RAD51B: variants seen among roughly 807,000 people sequenced by gnomAD.
The protein encoded by RAD51B is RAD51 paralog B.
In RAD51B, 38 loss-of-function variants were observed where a neutral mutation model predicts 42.2. The observed-to-expected ratio is 0.90, with a 90% CI of 0.70 to 1.18. RAD51B has a LOEUF of 1.18. RAD51B is among the 50% of genes most tolerant of loss of function. RAD51B has a pLI of 0.00. For synonymous variants in RAD51B, 154 were observed against 145.2 expected (o/e 1.06, Z -0.43); for missense variants, 373 against 400.7 (o/e 0.93, Z 0.59).
intron 7 of RAD51B, among the ~76,000 whole-genome samples, chr14:68,279,392 A>G (rs2081280597): frequency 6.6e-6 from 1 of 152,216 alleles, no homozygotes; most frequent in African/African-American, 2.4e-5. Context: ...GACTTTAGGT[A>G]TGTAGGATTG....
At chr14:68,561,904 G>T (rs1472791166) in intron 10 of RAD51B, 1 of 948,020 alleles carries the variant, frequency 1.1e-6, no homozygotes, top group Non-Finnish European at 1.3e-6. Context: ...CCATGCAGAG[G>T]GCGAGTGGGA....
At chr14:68,112,602 A>G (rs749947323) in intron 7 of RAD51B, among the ~76,000 whole-genome samples, 7 of 152,146 alleles carry the variant, frequency 4.6e-5, no homozygotes, top group Non-Finnish European at 8.8e-5. Context: ...TCATGTGATC[A>G]TGCTGGGGTG....
At chr14:68,232,534 G>C (rs376783555) in intron 7 of RAD51B, among the ~76,000 whole-genome samples, 8 of 152,188 alleles carry the variant, frequency 5.3e-5, no homozygotes, top group African/African-American at 1.9e-4. Flanking sequence ...GTGAAGCCAA[G>C]GTCTGAGAAT....
At position 68,468,171 on chromosome 14, in the gene RAD51B, G is replaced by T; in HGVS notation, c.958-1G>T. On this transcript the variant is annotated splice_acceptor_variant, in intron 9 of 10. Coordinates refer to ENST00000471583, the MANE Select transcript of RAD51B (RefSeq NM_133510.4). LOFTEE classifies it high-confidence loss of function. Reference sequence around the variant, plus strand: ...CCTAGAAAAATGTGCTTTATGTGCAGATTCTTATTGCCAAGTCCCCTCTGG... The same window carrying T: ...CCTAGAAAAATGTGCTTTATGTGCATATTCTTATTGCCAAGTCCCCTCTGG... 6.2e-7 allele frequency: 1 copy of T among 1,613,592 alleles called. No individual in the cohort carries two copies. The highest frequency in any genetic ancestry group is 8.5e-7 in the Non-Finnish European group (1 of 1,179,568).
At chr14:68,481,040 A>T (rs927138582), downstream of RAD51B, among the ~76,000 whole-genome samples, 3 of 152,210 alleles carry the variant, frequency 2.0e-5, no homozygotes, top group African/African-American at 7.2e-5. Context: ...GTCCATGGTG[A>T]AGTCATAAAA....
At chr14:68,269,782 A>C (rs985525770) in intron 7 of RAD51B, among the ~76,000 whole-genome samples, 5 of 152,156 alleles carry the variant, frequency 3.3e-5, no homozygotes, top group African/African-American at 1.2e-4. Flanking sequence ...ATGTGGACTC[A>C]ATGAGGGATT....
chr14:68,307,300 A>G (rs774833528), intron 8 of RAD51B, among the ~76,000 whole-genome samples: 11 of 152,178 alleles, frequency 7.2e-5, no homozygotes, highest in Non-Finnish European at 1.3e-4. Context: ...TGTATCCGTA[A>G]CCTGATCATC....
intron 10 of RAD51B, among the ~76,000 whole-genome samples, chr14:68,551,404 C>T (rs1888564701): frequency 6.6e-6 from 1 of 152,224 alleles, no homozygotes; most frequent in Non-Finnish European, 1.5e-5. Flanking sequence ...CAGAGAGTGC[C>T]TGGCTGTGAT....
chr14:68,681,284 T>G (rs1893424534), intron 11 of RAD51B, among the ~76,000 whole-genome samples: 1 of 152,150 alleles, frequency 6.6e-6, no homozygotes, highest in African/African-American at 2.4e-5. Context: ...GAGTGTCTAC[T>G]CGAGGTGTTC....
chr14:68,462,663 T>C (rs2085874362), intron 9 of RAD51B, among the ~76,000 whole-genome samples: 1 of 152,154 alleles, frequency 6.6e-6, no homozygotes, highest in Non-Finnish European at 1.5e-5. Context: ...AGTGCTGAGA[T>C]TACAGGCCCG....
intron 7 of RAD51B, among the ~76,000 whole-genome samples, chr14:68,243,541 A>C (rs911761431): frequency 4.6e-5 from 7 of 151,974 alleles, no homozygotes; most frequent in Non-Finnish European, 8.8e-5. Flanking sequence ...TAGGGAATTT[A>C]GTTTCCCTTT....
intron 9 of RAD51B, among the ~76,000 whole-genome samples, chr14:68,459,401 A>C (rs1013313612): frequency 6.6e-6 from 1 of 152,250 alleles, no homozygotes; most frequent in Admixed American, 6.5e-5. Flanking sequence ...TTTCTGTCGC[A>C]GACACTTGGC....
At chr14:68,253,180 T>C (rs1439388687) in intron 7 of RAD51B, among the ~76,000 whole-genome samples, 1 of 152,086 alleles carries the variant, frequency 6.6e-6, no homozygotes, top group Non-Finnish European at 1.5e-5. Context: ...CACTTAGTCA[T>C]AATTGTCTAT....
intron 7 of RAD51B, among the ~76,000 whole-genome samples, chr14:67,900,121 T>TAC (rs1218361712): frequency 1.3e-5 from 2 of 152,256 alleles, no homozygotes; most frequent in Non-Finnish European, 2.9e-5. Flanking sequence ...GTGTTGCTTC[T>TAC]GTATTAGTGT....
chr14:68,192,827 G>C lies in RAD51B; in HGVS notation c.757-99057G>C, dbSNP rs533201104. ...CCTTGTTAAAATATTGGCATATCCA[G>C]GAGTTTGAATAGGGTCATTTTCTGA... On this transcript the variant is annotated intron_variant, in intron 7 of 10. Transcript: ENST00000471583. Among the ~76,000 whole-genome samples the C allele has an allele frequency of 2.5e-3, 380 of 152,198 alleles. 1 individual carries two copies. Among genetic ancestry groups the C allele is most frequent in the South Asian group, 8.7e-3 (42 of 4,826 alleles).
At chr14:68,126,534 T>A (rs1232005345) in intron 7 of RAD51B, among the ~76,000 whole-genome samples, 2 of 152,204 alleles carry the variant, frequency 1.3e-5, no homozygotes, top group African/African-American at 4.8e-5. Flanking sequence ...TTTTCATGTA[T>A]GACACGTTGA....
chr14:67,825,466 C>T lies in RAD51B; in HGVS notation c.87C>T (p.Asp29=), dbSNP rs2140278378. The T allele has an allele frequency of 6.2e-7, 1 of 1,603,872 alleles. No homozygotes were observed. Among genetic ancestry groups the T allele is most frequent in the Non-Finnish European group, 8.5e-7 (1 of 1,173,586 alleles). The part of the protein sequence containing the change: ...LSRHQILTCQ[D]FLCLSPLELM... Reference sequence around the variant, plus strand: ...ATACTCTCTTTATGTTTCTTTAGGACTTTTTATGTCTTTCCCCACTGGAGC... The same window carrying T: ...ATACTCTCTTTATGTTTCTTTAGGATTTTTTATGTCTTTCCCCACTGGAGC... The change falls in exon 3 of 11, where the codon GAC becomes GAT. Residue 29 remains aspartate (D), a splice_region_variant and synonymous_variant. Coordinates refer to ENST00000471583, the MANE Select transcript of RAD51B (RefSeq NM_133510.4).
chr14:68,353,130 G>T lies in RAD51B; in HGVS notation c.854-58294G>T, dbSNP rs192914703. 2.0e-3 allele frequency among the ~76,000 whole-genome samples: 302 copies of T among 152,262 alleles called. 1 individual carries two copies. The highest frequency in any genetic ancestry group is 6.8e-3 in the African/African-American group (284 of 41,538). On this transcript the variant is annotated intron_variant, in intron 8 of 10. Coordinates refer to ENST00000471583, the MANE Select transcript of RAD51B (RefSeq NM_133510.4). ...CTCTTCCCTAGCCTTTCCTTATTTTGTGTTGCTTTCCTCACACCCAGGAGG... is the reference window on the plus strand; with the variant it reads ...CTCTTCCCTAGCCTTTCCTTATTTTTTGTTGCTTTCCTCACACCCAGGAGG...
intron 8 of RAD51B, among the ~76,000 whole-genome samples, chr14:68,348,374 G>A (rs1224472476): frequency 6.6e-6 from 1 of 152,064 alleles, no homozygotes; most frequent in Non-Finnish European, 1.5e-5. Context: ...CTCTGGACTG[G>A]AGTCATACGA....
Sources: allele counts gnomAD v4.1 joint callset (sites outside exome capture counted in the v4.1 genomes callset), GRCh38; gene constraint gnomAD v4.1.1; transcripts MANE v1.5; gene names NCBI Gene and HGNC (gene_info 2026-07-23, HGNC 2026-07-21).